Variants in SLC30A5 observed in about 807,000 individuals in gnomAD.
The protein encoded by SLC30A5 is proton-coupled zinc antiporter SLC30A5.
Under a neutral mutation model 79.6 loss-of-function variants are expected in SLC30A5, and 33 were observed. That is an observed-to-expected ratio of 0.41 (90% confidence interval 0.31 to 0.55). SLC30A5 has a LOEUF of 0.55. SLC30A5 is among the 20% of genes least tolerant of loss of function. The pLI is 0.20. For missense variants in SLC30A5, 788 were observed against 928.1 expected, an observed-to-expected ratio of 0.85 and a Z score of 1.96; for synonymous variants, 299 against 319.7, an observed-to-expected ratio of 0.94 and a Z score of 0.69.
At chr5:69,107,985 G>A (rs964907242) in intron 4 of SLC30A5, among the ~76,000 whole-genome samples, 3 of 152,098 alleles carry the variant, frequency 2.0e-5, no homozygotes, top group Non-Finnish European at 4.4e-5. Context: ...CCTGCCTTGG[G>A]CTCCCAAAGT....
chr5:69,127,742 C>T (rs1168587227), intron 14 of SLC30A5, among the ~76,000 whole-genome samples: 3 of 151,980 alleles, frequency 2.0e-5, no homozygotes, highest in Admixed American at 6.6e-5. Flanking sequence ...ATTTTTTTTC[C>T]CCCACACATC....
chr5:69,121,370 A>G (rs1746528720), intron 12 of SLC30A5, among the ~76,000 whole-genome samples: 1 of 152,192 alleles, frequency 6.6e-6, no homozygotes. Context: ...AGTACTTTCA[A>G]ACTCTTCAAT....
At chr5:69,126,760 ACT>A (rs1326180186) in intron 14 of SLC30A5, among the ~76,000 whole-genome samples, 1 of 151,470 alleles carries the variant, frequency 6.6e-6, no homozygotes, top group Non-Finnish European at 1.5e-5. Context: ...ACAGAGTGAG[ACT>A]CTGTCTTAAA....
intron 4 of SLC30A5, among the ~76,000 whole-genome samples, chr5:69,107,368 A>G (rs1746106598): frequency 6.6e-6 from 1 of 152,088 alleles, no homozygotes; most frequent in South Asian, 2.1e-4. Context: ...TTTTACAGTT[A>G]ACTTTTTTTT....
intron 5 of SLC30A5, among the ~76,000 whole-genome samples, chr5:69,110,623 G>A (rs908328612): frequency 6.7e-6 from 1 of 150,164 alleles, no homozygotes; most frequent in African/African-American, 2.4e-5. Flanking sequence ...TACGTAGATG[G>A]AGAAAATTCT....
intron 2 of SLC30A5, among the ~76,000 whole-genome samples, chr5:69,102,113 G>A (rs1249393043): frequency 6.9e-6 from 1 of 144,648 alleles, no homozygotes; most frequent in African/African-American, 2.6e-5. Flanking sequence ...GAGTGCAGTG[G>A]CTCAATCTCA....
chr5:69,124,268 T>C (rs1028829145), intron 14 of SLC30A5, among the ~76,000 whole-genome samples: 23 of 151,042 alleles, frequency 1.5e-4, no homozygotes, highest in Admixed American at 1.5e-3. Flanking sequence ...ATAGGTTGTC[T>C]GTAAAAGAAG....
Position 69,116,028 on chromosome 5 carries a change from A to G in SLC30A5, c.886A>G (p.Met296Val). The G allele has an allele frequency of 6.2e-7, 1 of 1,614,150 alleles. No homozygotes were observed. Among genetic ancestry groups the G allele is most frequent in the Non-Finnish European group, 8.5e-7 (1 of 1,180,030 alleles). The change falls in exon 9 of 16, where the codon ATG becomes GTG. Residue 296 changes from methionine (M) to valine (V), a missense_variant. By Grantham distance (21) the Met-to-Val change is conservative. Around this residue, in one of 3 missense-constraint regions of SLC30A5, gnomAD observed 626 missense variants for 755.5 expected, o/e 0.83. Transcript: ENST00000396591. This position sits in a 1 kb window ranked among gnomAD's most constrained non-coding sequence, Gnocchi z 4.0. Reference sequence around the variant, plus strand: ...CGTGGATTCCATTTGTTCAGTCAAAATGGAAGTTTCCAAATGTGCTCGTTA... The same window carrying G: ...CGTGGATTCCATTTGTTCAGTCAAAGTGGAAGTTTCCAAATGTGCTCGTTA... ...FYVDSICSVK[M>V]EVSKCARYGS...
chr5:69,111,804 AG>A (rs1483756789), intron 5 of SLC30A5, among the ~76,000 whole-genome samples: 8 of 152,226 alleles, frequency 5.3e-5, no homozygotes, highest in African/African-American at 1.9e-4. Flanking sequence ...CCACACTAAC[AG>A]AATTTATCCA....
intron 1 of SLC30A5, among the ~76,000 whole-genome samples, chr5:69,099,188 C>T (rs960990957): frequency 3.3e-5 from 5 of 152,212 alleles, no homozygotes; most frequent in African/African-American, 1.2e-4. Context: ...ATAAATAACA[C>T]TTTTAAACTA....
chr5:69,097,090 C>T (rs1387347880), intron 1 of SLC30A5, among the ~76,000 whole-genome samples: 1 of 144,274 alleles, frequency 6.9e-6, no homozygotes, highest in Admixed American at 6.9e-5. Context: ...TTAGTTGTTT[C>T]TTCCCTTCCT....
intron 3 of SLC30A5, 100 bp downstream of exon 3, chr5:69,103,228 A>G: frequency 1.6e-6 from 1 of 623,332 alleles, no homozygotes; most frequent in Non-Finnish European, 2.9e-6. Flanking sequence ...GAATGATTTA[A>G]GTATGCCACA....
At chr5:69,114,939 A>G (rs993444482) in intron 7 of SLC30A5, among the ~76,000 whole-genome samples, 4 of 152,150 alleles carry the variant, frequency 2.6e-5, no homozygotes, top group African/African-American at 9.7e-5. Context: ...GTAATTGAGT[A>G]TATGGGAAAA....
rs777634570 is a variant in SLC30A5, at chr5:69,100,944, G to GA, written c.206+15_206+16insA. ...TTAAAACTTGGGTGAGTGTGGGGGG[G>GA]GGTTTTTTCTTGATATTTTTTATTT... On this transcript the variant is annotated intron_variant, in intron 2 of 15. Transcript: ENST00000396591. The GA allele has an allele frequency of 3.4e-6, 5 of 1,467,854 alleles. No homozygotes were observed. The Admixed American group carries it at 8.8e-5, about 26-fold the overall frequency. The allele number at this position is 1,467,854 out of a possible 1,614,324, so 90.9% of individuals were successfully genotyped here. A position where few individuals can be genotyped will look rare whatever the true frequency, so the allele number is the denominator to read the frequency against.
At chr5:69,123,452 T>G in intron 14 of SLC30A5, 27 bp downstream of exon 14, 1 of 1,548,678 alleles carries the variant, frequency 6.5e-7, no homozygotes, top group Non-Finnish European at 8.9e-7. Context: ...CTTCACTACT[T>G]TCTTCCTTGA....
intron 1 of SLC30A5, 74 bp from the exon 2 acceptor site, chr5:69,100,730 CTTG>C (rs1308940918): frequency 6.0e-5 from 77 of 1,289,400 alleles, no homozygotes; most frequent in Non-Finnish European, 7.9e-5. Context: ...GTAATGACCT[CTTG>C]TTTAAAAAAC....
At chr5:69,124,766 C>T (rs967115070) in intron 14 of SLC30A5, among the ~76,000 whole-genome samples, 1 of 152,064 alleles carries the variant, frequency 6.6e-6, no homozygotes, top group African/African-American at 2.4e-5. Context: ...GATGGGGTTT[C>T]GCCATGTTGG....
intron 2 of SLC30A5, among the ~76,000 whole-genome samples, chr5:69,101,270 C>T (rs1439288689): frequency 6.6e-6 from 1 of 151,572 alleles, no homozygotes; most frequent in Non-Finnish European, 1.5e-5. Context: ...TCTACTTATA[C>T]GAAATGCTTT....
At position 69,121,788 on chromosome 5, in the gene SLC30A5, G is replaced by A. The variant is rs1023751746; in HGVS notation, c.1664G>A (p.Cys555Tyr). 4.3e-6 allele frequency: 7 copies of A among 1,612,040 alleles called. No homozygotes were observed. The highest frequency in any genetic ancestry group is 1.7e-4 in the Middle Eastern group (1 of 6,058). ...SHAHGASQGS[C>Y]HSSDHSHSHH... ...GCCCATGGAGCTTCTCAAGGAAGCT[G>A]TCACTCATCTGATCACAGCCATTCA... Residue 555 changes from cysteine (C) to tyrosine (Y), a missense_variant, in exon 13 of 16, where the codon TGT becomes TAT. Physicochemically the swap from Cys to Tyr is radical, Grantham distance 194. Transcript: ENST00000396591.
Sources: allele counts gnomAD v4.1 joint callset (sites outside exome capture counted in the v4.1 genomes callset), GRCh38; gene constraint gnomAD v4.1.1; regional missense constraint gnomAD v4.1.1; non-coding constraint Gnocchi (gnomAD v3.1); transcripts MANE v1.5; gene names NCBI Gene and HGNC (gene_info 2026-07-23, HGNC 2026-07-21).